LINGO2: variants seen among roughly 807,000 people sequenced by gnomAD.
LINGO2 encodes leucine-rich repeat and immunoglobulin-like domain-containing nogo receptor-interacting protein 2.
A neutral mutation model predicts 30.6 loss-of-function variants in LINGO2; 14 were observed. That is an observed-to-expected ratio of 0.46 (90% CI 0.30 to 0.72). The LOEUF (loss-of-function observed/expected upper bound fraction) is 0.72, where lower values mean the gene tolerates loss of function less well. LINGO2 is among the 30% of genes least tolerant of loss of function. The pLI is 0.07. For synonymous variants in LINGO2, 317 were observed against 288.5 expected (o/e 1.10, Z -1.00); for missense variants, 729 against 751.7 (o/e 0.97, Z 0.35).
At chr9:29,188,037 T>TTTTTTA in the LINGO2 span, among the ~76,000 whole-genome samples, 1 of 123,614 alleles carries the variant, frequency 8.1e-6, no homozygotes, top group Non-Finnish European at 1.7e-5. Context: ...TTTTTTTTTT[T>TTTTTTA]ATTGATCATT....
the LINGO2 span, among the ~76,000 whole-genome samples, chr9:28,752,739 C>T: frequency 6.6e-6 from 1 of 151,876 alleles, no homozygotes; most frequent in African/African-American, 2.4e-5. Flanking sequence ...GATCTTAACC[C>T]TCCTCATCTT....
chr9:28,581,500 A>G (rs770559982), intron 1 of LINGO2, among the ~76,000 whole-genome samples: 2 of 150,520 alleles, frequency 1.3e-5, no homozygotes, highest in African/African-American at 2.4e-5. Context: ...CATGTAAATA[A>G]TATAGTAAAT....
chr9:27,995,953 GAAAAACTT>G lies in LINGO2; in HGVS notation c.-36+16394_-36+16401del, dbSNP rs140023906. Among the ~76,000 whole-genome samples the G allele has an allele frequency of 8.0e-3, 1,222 of 152,014 alleles. 20 individuals carry two copies. Among genetic ancestry groups the G allele is most frequent in the African/African-American group, 0.028 (1,144 of 41,410 alleles). ...TGCAAATGATATGACCTTACATTTA[GAAAAACTT>G]AAAAACTTAAAAACTTCAATAAAAA... On this transcript the variant is annotated intron_variant, in intron 5 of 5. Coordinates refer to ENST00000379992, the Ensembl canonical transcript of LINGO2.
At chr9:28,494,049 C>T (rs1384289803) in intron 1 of LINGO2, among the ~76,000 whole-genome samples, 1 of 151,974 alleles carries the variant, frequency 6.6e-6, no homozygotes, top group East Asian at 1.9e-4. Flanking sequence ...TTAGTTCTGT[C>T]CCTCTAGAGA....
intron 4 of LINGO2, among the ~76,000 whole-genome samples, chr9:28,111,696 T>C (rs929024720): frequency 6.6e-6 from 1 of 152,112 alleles, no homozygotes; most frequent in Admixed American, 6.6e-5. Flanking sequence ...GTACAATAAA[T>C]GTAATGCAAA....
chr9:28,599,763 T>C (rs865795336), intron 1 of LINGO2, among the ~76,000 whole-genome samples: 16 of 152,152 alleles, frequency 1.1e-4, no homozygotes, highest in African/African-American at 3.6e-4. Flanking sequence ...AAATGTATAC[T>C]CAACTGGACC....
At chr9:28,903,449 T>C in the LINGO2 span, among the ~76,000 whole-genome samples, 14 of 152,240 alleles carry the variant, frequency 9.2e-5, no homozygotes, top group African/African-American at 2.4e-4. Flanking sequence ...CTAACATTCA[T>C]TCATTATTCA....
At chr9:28,873,551 T>C in the LINGO2 span, among the ~76,000 whole-genome samples, 14 of 152,256 alleles carry the variant, frequency 9.2e-5, no homozygotes, top group South Asian at 2.9e-3. Context: ...CAGGTAATTT[T>C]ACCTTGGCAT....
At chr9:28,610,956 G>T (rs941558302) in intron 1 of LINGO2, among the ~76,000 whole-genome samples, 3 of 152,018 alleles carry the variant, frequency 2.0e-5, no homozygotes, top group Non-Finnish European at 4.4e-5. Flanking sequence ...AGAAAAACAT[G>T]CCATTATCCT....
In LINGO2 at chr9:28,436,998, C is replaced by T. The variant is rs1823975010; in HGVS notation, c.-279+38942G>A. Among the ~76,000 whole-genome samples, 8 of 152,230 alleles carry T rather than the reference C, an allele frequency of 5.3e-5. No individual in the cohort carries two copies. In the South Asian group the frequency reaches 1.7e-3, roughly 32 times the overall value. ...AGACCTGGCAGAGTGAACTGGGGTT[C>T]AAATACCTCAATGTGATGGTTACTT... On this transcript the variant is annotated intron_variant, in intron 2 of 5. Transcript: ENST00000379992.
chr9:28,876,323 A>G, the LINGO2 span, among the ~76,000 whole-genome samples: 44 of 152,108 alleles, frequency 2.9e-4, no homozygotes, highest in African/African-American at 1.0e-3. Flanking sequence ...ATATGTATAC[A>G]TGTGCCATGC....
the LINGO2 span, among the ~76,000 whole-genome samples, chr9:28,809,511 C>T: frequency 9.2e-5 from 14 of 152,030 alleles, 1 homozygote; most frequent in African/African-American, 3.4e-4. Flanking sequence ...TTTGGGAGGC[C>T]GAGGCAGACG....
the LINGO2 span, among the ~76,000 whole-genome samples, chr9:29,081,629 A>G: frequency 6.6e-6 from 1 of 152,144 alleles, no homozygotes; most frequent in Non-Finnish European, 1.5e-5. Flanking sequence ...TTAGGAAAAG[A>G]GGAAGTCAAA....
At chr9:29,079,915 T>C in the LINGO2 span, among the ~76,000 whole-genome samples, 4 of 152,086 alleles carry the variant, frequency 2.6e-5, no homozygotes, top group Admixed American at 2.0e-4. Context: ...ACCATTGTAA[T>C]AAACAACTTA....
intron 1 of LINGO2, among the ~76,000 whole-genome samples, chr9:28,658,351 T>A (rs1828448574): frequency 6.6e-6 from 1 of 152,062 alleles, no homozygotes; most frequent in Non-Finnish European, 1.5e-5. Context: ...AGTCTCCTAC[T>A]ATTATTGTGG....
the LINGO2 span, among the ~76,000 whole-genome samples, chr9:28,749,276 A>T: frequency 6.6e-6 from 1 of 151,964 alleles, no homozygotes; most frequent in East Asian, 1.9e-4. Flanking sequence ...TTTGTCCTTT[A>T]CATTGAGAGC....
At chr9:29,164,508 A>T in the LINGO2 span, among the ~76,000 whole-genome samples, 1 of 151,586 alleles carries the variant, frequency 6.6e-6, no homozygotes, top group African/African-American at 2.4e-5. Flanking sequence ...GTTATCAATT[A>T]ATGAAGGGAT....
the LINGO2 span, among the ~76,000 whole-genome samples, chr9:28,991,456 G>A: frequency 3.2e-3 from 481 of 148,698 alleles, 2 homozygotes; most frequent in African/African-American, 0.011. Context: ...ATATTATCCA[G>A]GAGAACTTCC....
At chr9:28,678,648 G>C in the LINGO2 span, among the ~76,000 whole-genome samples, 1 of 152,012 alleles carries the variant, frequency 6.6e-6, no homozygotes, top group African/African-American at 2.4e-5. Context: ...ATGGTTGTGA[G>C]GACTGAGTTT....
Sources: allele counts gnomAD v4.1 joint callset (sites outside exome capture counted in the v4.1 genomes callset), GRCh38; gene constraint gnomAD v4.1.1; transcripts MANE v1.5; gene names NCBI Gene and HGNC (gene_info 2026-07-23, HGNC 2026-07-21).